The following ARHGAP6 variants were observed in gnomAD, a reference collection of about 807,000 sequenced individuals.
ARHGAP6 encodes Rho GTPase activating protein 6.
Under a neutral mutation model 55.7 loss-of-function variants are expected in ARHGAP6, and 16 were observed. The observed-to-expected ratio is 0.29, with a 90% CI of 0.19 to 0.44. The LOEUF (loss-of-function observed/expected upper bound fraction) is 0.44. Among genes scored for constraint, ARHGAP6 ranks in the 20% least tolerant of loss-of-function variants. The pLI is 1.00. For missense variants in ARHGAP6, 698 were observed against 808.9 expected (o/e 0.86, Z 1.66); for synonymous variants, 382 against 360.9 (o/e 1.06, Z -0.66).
At chrX:11,624,004 G>A (rs5978453) in intron 1 of ARHGAP6, among the ~76,000 whole-genome samples, 15,520 of 110,651 alleles carry the variant, frequency 0.14, 996 homozygotes, top group Middle Eastern at 0.24. Flanking sequence ...GCAACCAAGC[G>A]GCATGGTACT....
chrX:11,389,415 T>C (rs967891301), intron 1 of ARHGAP6, among the ~76,000 whole-genome samples: 1 of 112,186 alleles, frequency 8.9e-6, no homozygotes, highest in African/African-American at 3.2e-5. Flanking sequence ...CTAATAAAAT[T>C]ATCCTGTGGG....
chrX:11,376,676 T>A (rs1303382249), intron 1 of ARHGAP6, among the ~76,000 whole-genome samples: 1 of 112,859 alleles, frequency 8.9e-6, no homozygotes, highest in Non-Finnish European at 1.9e-5. Flanking sequence ...AGACTAATGC[T>A]TATGAGATCA....
At chrX:11,291,109 AT>A (rs1409038787) in intron 1 of ARHGAP6, among the ~76,000 whole-genome samples, 3 of 112,851 alleles carry the variant, frequency 2.7e-5, no homozygotes, top group African/African-American at 9.7e-5. Context: ...TTATTCATAA[AT>A]AAAATAATTG....
intron 2 of ARHGAP6, among the ~76,000 whole-genome samples, chrX:11,210,354 T>C (rs1240422698): frequency 4.4e-5 from 5 of 112,714 alleles, no homozygotes; most frequent in Non-Finnish European, 7.5e-5. Flanking sequence ...CTATTATTAC[T>C]GATGAAAGTT....
chrX:11,359,638 C>G (rs1915690515), intron 1 of ARHGAP6, among the ~76,000 whole-genome samples: 1 of 111,383 alleles, frequency 9.0e-6, no homozygotes, highest in Admixed American at 9.5e-5. Flanking sequence ...TAGCAGAAGG[C>G]AAGAAATAAC....
chrX:11,650,668 A>C (rs1569072871), intron 1 of ARHGAP6, among the ~76,000 whole-genome samples: 1 of 112,738 alleles, frequency 8.9e-6, no homozygotes, highest in Non-Finnish European at 1.9e-5. Context: ...TAAATATTTG[A>C]TTACTTCCAT....
intron 1 of ARHGAP6, among the ~76,000 whole-genome samples, chrX:11,572,479 A>C (rs376580303): frequency 3.6e-5 from 4 of 110,656 alleles, no homozygotes; most frequent in African/African-American, 9.9e-5. Context: ...GAGAATGATG[A>C]TTTCCAATTT....
At chrX:11,384,022 A>G (rs1377281733) in intron 1 of ARHGAP6, among the ~76,000 whole-genome samples, 1 of 111,534 alleles carries the variant, frequency 9.0e-6, no homozygotes, top group Non-Finnish European at 1.9e-5. Flanking sequence ...CACAAAGAAC[A>G]CCATATTGAT....
chrX:11,452,767 G>A (rs573438499), intron 1 of ARHGAP6, among the ~76,000 whole-genome samples: 2 of 111,645 alleles, frequency 1.8e-5, no homozygotes, highest in African/African-American at 6.5e-5. Flanking sequence ...ATAGAAGCAG[G>A]CATTTGCACA....
At chrX:11,393,179 A>T (rs755283953) in intron 1 of ARHGAP6, among the ~76,000 whole-genome samples, 1 of 111,771 alleles carries the variant, frequency 8.9e-6, no homozygotes, top group African/African-American at 3.2e-5. Flanking sequence ...TATGATAATG[A>T]TTACAAATCT....
intron 1 of ARHGAP6, among the ~76,000 whole-genome samples, chrX:11,479,956 G>A (rs1456656761): frequency 9.0e-6 from 1 of 111,649 alleles, no homozygotes; most frequent in Admixed American, 9.5e-5. Context: ...TGCTTAGGGT[G>A]GGAGCAGGAT....
chrX:11,585,323 T>C (rs1486334061), intron 1 of ARHGAP6, among the ~76,000 whole-genome samples: 1 of 112,346 alleles, frequency 8.9e-6, no homozygotes, highest in Non-Finnish European at 1.9e-5. Context: ...CATCAAATGG[T>C]AGTTCTGTTT....
chrX:11,520,431 G>C (rs1348099819), intron 1 of ARHGAP6, among the ~76,000 whole-genome samples: 1 of 106,480 alleles, frequency 9.4e-6, no homozygotes, highest in East Asian at 3.0e-4. Flanking sequence ...TTGTCCTTGC[G>C]ATAGTTTGCT....
chrX:11,576,771 A>G (rs1335394267), intron 1 of ARHGAP6, among the ~76,000 whole-genome samples: 1 of 111,734 alleles, frequency 8.9e-6, no homozygotes, highest in Non-Finnish European at 1.9e-5. Context: ...CAACAGATAC[A>G]TATTTTCTTT....
chrX:11,269,977 T>C (rs1169724883), intron 1 of ARHGAP6, among the ~76,000 whole-genome samples: 1 of 112,062 alleles, frequency 8.9e-6, no homozygotes, highest in East Asian at 2.8e-4. Flanking sequence ...AGACCATGAA[T>C]CTGAAACAGT....
chrX:11,589,913 T>C (rs1005442582), intron 1 of ARHGAP6, among the ~76,000 whole-genome samples: 9 of 112,143 alleles, frequency 8.0e-5, no homozygotes, highest in Admixed American at 2.8e-4. Context: ...CATGCTCCCA[T>C]TGGAATTTAC....
At chrX:11,261,595 A>G (rs1432463714) in intron 1 of ARHGAP6, among the ~76,000 whole-genome samples, 1 of 112,050 alleles carries the variant, frequency 8.9e-6, no homozygotes, top group East Asian at 2.8e-4. Context: ...ATTTGTTTAG[A>G]TTTTATAAAT....
At chrX:11,184,820 G>A (rs778289400) in intron 5 of ARHGAP6, among the ~76,000 whole-genome samples, 82 of 111,572 alleles carry the variant, frequency 7.3e-4, no homozygotes, top group African/African-American at 2.4e-3. Flanking sequence ...GTGATTATCC[G>A]GTTTTCAAGC....
At chrX:11,599,435 A>G in intron 1 of ARHGAP6, among the ~76,000 whole-genome samples, 1 of 108,101 alleles carries the variant, frequency 9.3e-6, no homozygotes. Flanking sequence ...ATCACTTTAA[A>G]CACTTATAAT....
Sources: gnomAD v4.1 joint callset for allele counts (sites outside exome capture counted in the v4.1 genomes callset) on GRCh38, gnomAD v4.1.1 for gene constraint, MANE v1.5 for transcripts, NCBI Gene and HGNC (gene_info 2026-07-23, HGNC 2026-07-21) for gene names.